Variants in PI4KA observed in about 807,000 individuals in gnomAD.
PI4KA encodes the protein phosphatidylinositol 4-kinase alpha.
A neutral mutation model predicts 271.4 loss-of-function variants in PI4KA; 122 were observed. That is an observed-to-expected ratio of 0.45 (90% CI 0.39 to 0.52). The LOEUF (loss-of-function observed/expected upper bound fraction) is 0.52, where lower values mean the gene tolerates loss of function less well. PI4KA is among the 20% of genes least tolerant of loss of function. The pLI, the probability that PI4KA is intolerant of heterozygous loss-of-function variation, is 0.00. For missense variants in PI4KA, 1,969 were observed against 2,769.1 expected (o/e 0.71, Z 6.48); for synonymous variants, 1,041 against 1,078.8 (o/e 0.96, Z 0.69).
At chr22:20,728,160 C>T (rs186000402) in intron 39 of PI4KA, among the ~76,000 whole-genome samples, 234 of 152,294 alleles carry the variant, frequency 1.5e-3, no homozygotes, top group African/African-American at 5.2e-3. Flanking sequence ...ATACCCCATT[C>T]TCCAAGATGT....
chr22:20,738,671 C>T lies in PI4KA; in HGVS notation c.3741+3557G>A, dbSNP rs78836992. 2.9e-3 allele frequency among the ~76,000 whole-genome samples: 440 copies of T among 152,146 alleles called. 1 individual carries two copies. The highest frequency in any genetic ancestry group is 9.4e-3 in the African/African-American group (391 of 41,510). ...TGTGAGTGGGTGGAGAAGCCTGACA[C>T]AGGCCAAGGGACCTGAGGCCAGCTG... is the stretch of plus-strand genomic sequence containing the variant. On this transcript the variant is annotated intron_variant, in intron 32 of 54. Coordinates refer to ENST00000255882, the MANE Select transcript of PI4KA (RefSeq NM_058004.4).
intron 1 of PI4KA, among the ~76,000 whole-genome samples, chr22:20,851,848 T>C (rs751190889): frequency 4.6e-5 from 7 of 152,202 alleles, no homozygotes; most frequent in African/African-American, 1.2e-4. Flanking sequence ...TTGGCAATGT[T>C]CATGAAAGGC....
At chr22:20,737,662 G>A (rs1241688574) in intron 32 of PI4KA, among the ~76,000 whole-genome samples, 8 of 143,236 alleles carry the variant, frequency 5.6e-5, no homozygotes, top group Middle Eastern at 4.0e-3. Flanking sequence ...ACGGAGTTTC[G>A]CTCTTGTTGC....
At position 20,714,153 on chromosome 22, in the gene PI4KA, C is replaced by T. The variant is rs183750625; in HGVS notation, c.5461+305G>A. Among the ~76,000 whole-genome samples the T allele has an allele frequency of 6.7e-3, 1,019 of 152,116 alleles. 10 individuals are homozygous for T. Among genetic ancestry groups the T allele is most frequent in the Non-Finnish European group, 0.011 (726 of 67,970 alleles). ...GGACTCCAGCCTCCAGAACTGAGATCGTCCGTACGGTAGCCCTGGGAAACT... is the reference window on the plus strand; with the variant it reads ...GGACTCCAGCCTCCAGAACTGAGATTGTCCGTACGGTAGCCCTGGGAAACT... On this transcript the variant is annotated intron_variant, in intron 47 of 54. Transcript: ENST00000255882.
At chr22:20,755,805 A>G (rs1601415374) in intron 23 of PI4KA, among the ~76,000 whole-genome samples, 1 of 146,202 alleles carries the variant, frequency 6.8e-6, no homozygotes, top group Middle Eastern at 3.6e-3. Context: ...CTGTCACATA[A>G]AAAAAAAAAA....
rs1188202453 is a variant in PI4KA, at chr22:20,746,588, C to T, written c.3363+995G>A. 2.0e-5 allele frequency among the ~76,000 whole-genome samples: 3 copies of T among 152,222 alleles called. 1 individual carries two copies. Among genetic ancestry groups the T allele is most frequent in the Non-Finnish European group, 4.4e-5 (3 of 68,042 alleles). The stretch of plus-strand genomic sequence containing the variant: ...GGAAAAGGCTTATGACTATCATAAA[C>T]ACTTACAGTCTATGAGTTCCGCCTC... On this transcript the variant is annotated intron_variant, in intron 29 of 54. Transcript: ENST00000255882.
At chr22:20,711,630 G>A (rs1229596167) in intron 50 of PI4KA, among the ~76,000 whole-genome samples, 169 bp from the exon 51 acceptor site, 1 of 152,130 alleles carries the variant, frequency 6.6e-6, no homozygotes, top group Non-Finnish European at 1.5e-5. Flanking sequence ...GGAGTGACAG[G>A]GGCTCTCTGT....
At chr22:20,764,227 C>T (rs1034621890) in intron 22 of PI4KA, among the ~76,000 whole-genome samples, 5 of 152,100 alleles carry the variant, frequency 3.3e-5, no homozygotes, top group Non-Finnish European at 5.9e-5. Flanking sequence ...ACAAGCATGT[C>T]GGGGAGTGCG....
intron 23 of PI4KA, among the ~76,000 whole-genome samples, chr22:20,757,506 T>C (rs972265093): frequency 6.6e-6 from 1 of 151,848 alleles, no homozygotes. Flanking sequence ...ATTCGGTTTA[T>C]GAATATTCTC....
chr22:20,822,167 C>T (rs1569073725), intron 4 of PI4KA, among the ~76,000 whole-genome samples: 1 of 152,106 alleles, frequency 6.6e-6, no homozygotes, highest in East Asian at 1.9e-4. Context: ...GCCTCAGCCT[C>T]CTAAGTAGCT....
At chr22:20,825,025 G>A (rs562726372) in intron 3 of PI4KA, among the ~76,000 whole-genome samples, 5 of 119,514 alleles carry the variant, frequency 4.2e-5, no homozygotes, top group African/African-American at 6.5e-5. Flanking sequence ...AGCCGAGATC[G>A]CACCACTGTA....
intron 25 of PI4KA, 52 bp from the exon 26 acceptor site, chr22:20,751,807 C>T: frequency 6.5e-7 from 1 of 1,533,390 alleles, no homozygotes; most frequent in Non-Finnish European, 9.0e-7. Flanking sequence ...CAAGGAAGGT[C>T]TGCTTCTAGG....
intron 29 of PI4KA, among the ~76,000 whole-genome samples, chr22:20,745,862 G>A (rs931995322): frequency 3.9e-4 from 59 of 151,802 alleles, no homozygotes; most frequent in African/African-American, 1.3e-3. Flanking sequence ...AGTGCAGGCC[G>A]GCTCCCTCCC....
At position 20,751,756 on chromosome 22, in the gene PI4KA, C is replaced by A. The variant is rs1452230381; in HGVS notation, c.2988-1G>T. ...CCCGCTCCAGAGCAAGTGGGGAAAC[C>A]TGCACCAAGAGCCAGCTCTCAGGAC... On this transcript the variant is annotated splice_acceptor_variant, in intron 25 of 54. Coordinates refer to ENST00000255882, the MANE Select transcript of PI4KA (RefSeq NM_058004.4). LOFTEE classifies it high-confidence loss of function. The A allele has an allele frequency of 6.2e-7, 1 of 1,613,766 alleles. No homozygotes were observed. The highest frequency in any genetic ancestry group is 1.3e-5 in the African/African-American group (1 of 74,908).
At chr22:20,748,835 G>A (rs951513638) in intron 28 of PI4KA, among the ~76,000 whole-genome samples, 17 of 152,196 alleles carry the variant, frequency 1.1e-4, no homozygotes, top group Non-Finnish European at 1.9e-4. Context: ...GTGGGTGGAG[G>A]AGAGGGCAGA....
chr22:20,838,095 T>G (rs1925096587), intron 2 of PI4KA, among the ~76,000 whole-genome samples: 2 of 149,678 alleles, frequency 1.3e-5, no homozygotes, highest in Non-Finnish European at 3.0e-5. Flanking sequence ...CACTCCAGCC[T>G]GGGTGACAAA....
Position 20,732,996 on chromosome 22 carries a change from C to T in PI4KA, c.4263G>A (p.Leu1421=). ...WTAMFSDKKY[L]TASQLVPPDN... is the part of the protein sequence containing the mutation. ...CTGGGGGAACAAGCTGGCTGGCGGT[C>T]AGGTACTTCTTATCTGAGAACATGG... The change falls in exon 36 of 55, where the codon CTG becomes CTA. Residue 1421 remains leucine (L), a synonymous_variant. Coordinates refer to ENST00000255882, the MANE Select transcript of PI4KA (RefSeq NM_058004.4). The T allele has an allele frequency of 1.2e-6, 2 of 1,610,872 alleles. No individual in the cohort carries two copies. Among genetic ancestry groups the T allele is most frequent in the Non-Finnish European group, 8.5e-7 (1 of 1,178,898 alleles).
intron 3 of PI4KA, among the ~76,000 whole-genome samples, chr22:20,829,105 T>C (rs1457165699): frequency 1.3e-5 from 2 of 152,196 alleles, no homozygotes; most frequent in African/African-American, 2.4e-5. Context: ...TGTTCATCTA[T>C]TGGCCTGAAG....
At chr22:20,851,985 G>T (rs192173028) in intron 1 of PI4KA, among the ~76,000 whole-genome samples, 2 of 152,086 alleles carry the variant, frequency 1.3e-5, no homozygotes, top group Non-Finnish European at 2.9e-5. Context: ...TTAGCCGGGC[G>T]TGGTGGCGGG....
Sources: gnomAD v4.1 joint callset for allele counts (sites outside exome capture counted in the v4.1 genomes callset) on GRCh38, gnomAD v4.1.1 for gene constraint, MANE v1.5 for transcripts, NCBI Gene and HGNC (gene_info 2026-07-23, HGNC 2026-07-21) for gene names.